Variants in KAT8 observed in about 807,000 individuals in gnomAD.
The protein encoded by KAT8 is lysine acetyltransferase 8.
In KAT8, 40 loss-of-function variants were observed where a neutral mutation model predicts 62.9. The ratio of observed to expected loss-of-function variants is 0.64; its 90% CI spans 0.49 to 0.83. The LOEUF (loss-of-function observed/expected upper bound fraction) is 0.83, where lower values mean the gene tolerates loss of function less well. KAT8 is among the 40% of genes least tolerant of loss of function. KAT8 has a pLI of 0.00. For synonymous variants in KAT8, 278 were observed against 254.5 expected (o/e 1.09, Z -0.88); for missense variants, 387 against 614.8 (o/e 0.63, Z 3.92).
chr16:31,131,386 G>A (rs1238217676), downstream of KAT8: 2 of 1,018,320 alleles, frequency 2.0e-6, no homozygotes, highest in Non-Finnish European at 2.9e-6. Context: ...GGGAAGGGGA[G>A]GCCAAGAGCG....
In KAT8 at chr16:31,127,037, T is replaced by G; in HGVS notation, c.465T>G (p.Thr155=). ...CCCACTTTTCTTTCCTGGCCCAGAC[T>G]TATGCAGAGATGGACCCCACCACAG... The part of the protein sequence containing the change: ...KHDEINHVQK[T]YAEMDPTTAA... Residue 155 remains threonine (T), a splice_region_variant and synonymous_variant, in exon 4 of 11, where the codon ACT becomes ACG. Transcript: ENST00000219797. 8 of 1,614,168 alleles carry G rather than the reference T, an allele frequency of 5.0e-6. No homozygotes were observed. The highest frequency in any genetic ancestry group is 6.8e-6 in the Non-Finnish European group (8 of 1,180,024).
rs1165148868 is a variant in KAT8, at chr16:31,129,866, C to A, written c.772-151C>A. The A allele has an allele frequency of 4.7e-6, 4 of 856,730 alleles. No homozygotes were observed. The East Asian group carries it at 7.3e-5, about 16-fold the overall frequency. 53.1% of individuals were successfully genotyped at this position (856,730 alleles called of 1,614,324 possible). On this transcript the variant is annotated intron_variant, in intron 6 of 10. Coordinates refer to ENST00000219797, the MANE Select transcript of KAT8 (RefSeq NM_032188.3). Reference sequence around the variant, plus strand: ...GCTCTCTCATTTCCAGTTCCCTGTTCGTCAGAGGCTGACCGAAGACTCCTT... The same window carrying A: ...GCTCTCTCATTTCCAGTTCCCTGTTAGTCAGAGGCTGACCGAAGACTCCTT...
intron 6 of KAT8, 64 bp from the exon 7 acceptor site, chr16:31,129,953 T>A: frequency 1.3e-6 from 2 of 1,582,388 alleles, no homozygotes; most frequent in Non-Finnish European, 8.6e-7. Context: ...TGCCGGCCGC[T>A]GGAACCAGCT....
chr16:31,120,539 G>T (rs371706095), intron 3 of KAT8, 25 bp downstream of exon 3: 57 of 1,583,084 alleles, frequency 3.6e-5, no homozygotes, highest in Non-Finnish European at 4.7e-5. Flanking sequence ...CCATCCACGG[G>T]CCCAGGAGGC....
chr16:31,127,073 G>A lies in KAT8; in HGVS notation c.501G>A (p.Glu167=). Residue 167 remains glutamate, a synonymous_variant, in exon 4 of 11, where the codon GAG becomes GAA. Coordinates refer to ENST00000219797, the MANE Select transcript of KAT8 (RefSeq NM_032188.3). The stretch of plus-strand genomic sequence containing the variant: ...TGGACCCCACCACAGCAGCCTTGGA[G>A]AAGGAGCATGAGGCGGTAAGTGGGG... ...AEMDPTTAAL[E]KEHEAITKVK... 1.2e-6 allele frequency: 2 copies of A among 1,614,176 alleles called. No individual in the cohort carries two copies. Among genetic ancestry groups the A allele is most frequent in the Non-Finnish European group, 1.7e-6 (2 of 1,180,040 alleles).
intron 3 of KAT8, among the ~76,000 whole-genome samples, chr16:31,125,095 C>T (rs992496058): frequency 2.0e-5 from 3 of 150,896 alleles, no homozygotes; most frequent in African/African-American, 2.4e-5. Flanking sequence ...GGGAGGCTGA[C>T]GTAGGAGAAT....
chr16:31,124,687 T>C (rs888353022), intron 3 of KAT8, among the ~76,000 whole-genome samples: 55 of 148,644 alleles, frequency 3.7e-4, no homozygotes, highest in Admixed American at 1.4e-4. Context: ...ACGTGAGATT[T>C]TGCCATTGCA....
intron 3 of KAT8, among the ~76,000 whole-genome samples, chr16:31,124,745 A>AAAG (rs138259061): frequency 0.013 from 1,912 of 141,736 alleles, 73 homozygotes; most frequent in African/African-American, 0.045. Context: ...AAAAAAAAAA[A>AAAG]AAAAAAGGCT....
Position 31,130,137 on chromosome 16 carries a change from A to G in KAT8, c.892A>G (p.Ile298Val). Reference sequence around the variant, plus strand: ...TGAGGTGGACCGGCAGGGGGCCCACATTGTTGGCTACTTCTCCAAGGTGCT... The same window carrying G: ...TGAGGTGGACCGGCAGGGGGCCCACGTTGTTGGCTACTTCTCCAAGGTGCT... The part of the protein sequence containing the change: ...LTEVDRQGAH[I>V]VGYFSKEKES... Residue 298 changes from isoleucine to valine, a missense_variant, in exon 7 of 11, where the codon ATT (isoleucine) becomes GTT (valine). Coordinates refer to ENST00000219797, the MANE Select transcript of KAT8 (RefSeq NM_032188.3). 3.1e-6 allele frequency: 4 copies of G among 1,310,058 alleles called. No individual in the cohort carries two copies. The highest frequency in any genetic ancestry group is 3.0e-6 in the Non-Finnish European group (3 of 997,852). 81.2% of individuals were successfully genotyped at this position (1,310,058 alleles called of 1,614,324 possible).
At chr16:31,118,422 ACTGTGCC>A (rs2057467256) in intron 1 of KAT8, 1 of 152,290 alleles carries the variant, frequency 6.6e-6, no homozygotes, top group Non-Finnish European at 1.5e-5. Context: ...GCCAGAACAC[ACTGTGCC>A]CTCTGAAGAC....
chr16:31,120,108 G>T, intron 1 of KAT8, 78 bp from the exon 2 acceptor site: 2 of 1,231,420 alleles, frequency 1.6e-6, no homozygotes. Flanking sequence ...CTGAACTCTG[G>T]AAACTGCTTC....
Position 31,120,392 on chromosome 16 carries a change from A to G in KAT8, c.340A>G (p.Thr114Ala). ...CAAGAACCGGCTGGCGCTGACCAAG[A>G]CAGTGAAGGATGCTGTACAGAAGAA... ...VDKNRLALTK[T>A]VKDAVQKNSE... The change falls in exon 3 of 11, where the codon ACA becomes GCA. Residue 114 changes from threonine (T) to alanine (A), a missense_variant. Physicochemically the swap from Thr to Ala is moderately conservative, Grantham distance 58 (BLOSUM62 0). Coordinates refer to ENST00000219797, the MANE Select transcript of KAT8 (RefSeq NM_032188.3). The G allele has an allele frequency of 6.2e-7, 1 of 1,614,076 alleles. No homozygotes were observed. Among genetic ancestry groups the G allele is most frequent in the Non-Finnish European group, 8.5e-7 (1 of 1,179,974 alleles).
chr16:31,121,105 G>GTT (rs1248494871), intron 3 of KAT8: 1 of 151,628 alleles, frequency 6.6e-6, no homozygotes, highest in Non-Finnish European at 1.5e-5. Context: ...GTGTGTGTGT[G>GTT]TGTGTGTGTG....
rs954325637 is a variant in KAT8, at chr16:31,131,202, C to T, written c.1320C>T (p.Ser440=). The T allele has an allele frequency of 8.7e-6, 14 of 1,614,054 alleles. No individual in the cohort carries two copies. The highest frequency in any genetic ancestry group is 2.7e-5 in the African/African-American group (2 of 75,048). ...CGCCCCTTCTCCCCACAGTGGACTC[C>T]GTCTGCCTCAAGTGGGCACCCCCCA... ...QYKKPPITVD[S]VCLKWAPPKH... The change falls in exon 11 of 11, where the codon TCC becomes TCT. Residue 440 remains serine (S), a synonymous_variant. Transcript: ENST00000219797.
At chr16:31,118,859 T>C in intron 1 of KAT8, 1 of 151,892 alleles carries the variant, frequency 6.6e-6, no homozygotes, top group East Asian at 1.9e-4. Flanking sequence ...CTTCTAAGGT[T>C]GGTACTATTA....
chr16:31,131,346 A>G lies in KAT8; in HGVS notation c.*87A>G. On this transcript the variant is annotated 3_prime_UTR_variant, in exon 11 of 11. Transcript: ENST00000219797. ...ACCTGTTTTGTCATTTTTTTAATAA[A>G]GTCAGTTCTGGTGGCCCTGGACTTT... is the stretch of plus-strand genomic sequence containing the variant. 6.6e-7 allele frequency: 1 copy of G among 1,504,712 alleles called. No homozygotes were observed. The highest frequency in any genetic ancestry group is 9.1e-7 in the Non-Finnish European group (1 of 1,098,218). 93.2% of individuals were successfully genotyped at this position (1,504,712 alleles called of 1,614,324 possible).
At chr16:31,121,412 C>T (rs1015217887) in intron 3 of KAT8, among the ~76,000 whole-genome samples, 4 of 151,562 alleles carry the variant, frequency 2.6e-5, no homozygotes, top group Non-Finnish European at 5.9e-5. Flanking sequence ...TGAGCTACTG[C>T]GCCCGGCCTA....
chr16:31,129,916 GC>G, intron 6 of KAT8, 100 bp from the exon 7 acceptor site: 1 of 1,323,492 alleles, frequency 7.6e-7, no homozygotes, highest in African/African-American at 1.5e-5. Context: ...TTCTGGCCTG[GC>G]GAGGCGCCCA....
intron 3 of KAT8, among the ~76,000 whole-genome samples, chr16:31,125,015 A>G (rs2057523181): frequency 6.6e-6 from 1 of 152,116 alleles, no homozygotes; most frequent in Non-Finnish European, 1.5e-5. Context: ...CAACAAGAGC[A>G]AAATTTCATC....
Sources: allele counts gnomAD v4.1 joint callset (sites outside exome capture counted in the v4.1 genomes callset), GRCh38; gene constraint gnomAD v4.1.1; transcripts MANE v1.5; gene names NCBI Gene and HGNC (gene_info 2026-07-23, HGNC 2026-07-21).